Variants in ESYT2 observed in about 807,000 individuals in gnomAD.
ESYT2 encodes the protein extended synaptotagmin-2.
ESYT2 carries 54 observed loss-of-function variants against 107.2 expected under a neutral mutation model. The ratio of observed to expected loss-of-function variants is 0.50; its 90% CI spans 0.40 to 0.63. The LOEUF is 0.63. Among genes scored for constraint, ESYT2 ranks in the 30% least tolerant of loss-of-function variants. The pLI is 0.00. For missense variants in ESYT2, 1,020 were observed against 1,094.5 expected, an observed-to-expected ratio of 0.93 and a Z score of 0.96; for synonymous variants, 491 against 434.1, an observed-to-expected ratio of 1.13 and a Z score of -1.63.
intron 6 of ESYT2, among the ~76,000 whole-genome samples, chr7:158,781,660 AGAACAAGTG>A (rs1838822057): frequency 1.3e-5 from 2 of 152,270 alleles, no homozygotes; most frequent in African/African-American, 4.8e-5. Context: ...AGAACAAGTG[AGAACAAGTG>A]TGAGTGAACG....
intron 6 of ESYT2, among the ~76,000 whole-genome samples, chr7:158,782,271 G>C (rs540203754): frequency 1.5e-5 from 2 of 130,174 alleles, no homozygotes; most frequent in East Asian, 4.2e-4. Flanking sequence ...ATGAGTGTGA[G>C]AACAAAATGT....
At chr7:158,781,981 AG>A (rs1486576645) in intron 6 of ESYT2, among the ~76,000 whole-genome samples, 1 of 19,148 alleles carries the variant, frequency 5.2e-5, no homozygotes, top group Non-Finnish European at 1.4e-4. Context: ...ACAAAGTGTG[AG>A]ATGTGTGTAA....
At chr7:158,760,023 TAGGTAGTTTTCA>T (rs762677715) in intron 12 of ESYT2, 23 bp downstream of exon 12, 1 of 1,596,004 alleles carries the variant, frequency 6.3e-7, no homozygotes. Flanking sequence ...AGTAGTTGGT[TAGGTAGTTTTCA>T]AGAGCACATG....
intron 20 of ESYT2, among the ~76,000 whole-genome samples, chr7:158,736,645 AAT>A (rs1836962927): frequency 6.6e-6 from 1 of 152,184 alleles, no homozygotes; most frequent in African/African-American, 2.4e-5. Context: ...TTGTTTTTCC[AAT>A]ATGTCATACG....
chr7:158,743,802 CA>C, intron 16 of ESYT2, 124 bp from the exon 17 acceptor site: 6 of 1,147,806 alleles, frequency 5.2e-6, no homozygotes, highest in Non-Finnish European at 7.0e-6. Context: ...AGAAAGGGGC[CA>C]GGTGGGGTGG....
At chr7:158,784,073 G>C (rs1376112375) in intron 6 of ESYT2, among the ~76,000 whole-genome samples, 1 of 152,154 alleles carries the variant, frequency 6.6e-6, no homozygotes, top group Non-Finnish European at 1.5e-5. Context: ...GAGGAGGAGG[G>C]TCTCTGGGAG....
chr7:158,742,357 C>A (rs552911371), intron 17 of ESYT2, among the ~76,000 whole-genome samples: 1 of 152,332 alleles, frequency 6.6e-6, no homozygotes, highest in Non-Finnish European at 1.5e-5. Context: ...CCATCCTCCC[C>A]AGGCCACGTC....
In ESYT2 at chr7:158,731,200, G is replaced by A. The variant is rs1324872085; in HGVS notation, c.*3007C>T. The A allele has an allele frequency of 6.6e-6, 1 of 152,156 alleles. No individual in the cohort carries two copies. The highest frequency in any genetic ancestry group is 1.5e-5 in the Non-Finnish European group (1 of 68,032). 9.4% of individuals were successfully genotyped at this position (152,156 alleles called of 1,614,324 possible). A position where few individuals can be genotyped will look rare whatever the true frequency, so the allele number is the denominator to read the frequency against. The stretch of plus-strand genomic sequence containing the variant: ...ACACAGGCCTGCATTTGGCTTATGT[G>A]CCTGAAAAAGAAGGGCCGACCTCTT... On this transcript the variant is annotated 3_prime_UTR_variant, in exon 23 of 23. Coordinates refer to ENST00000275418, the MANE Select transcript of ESYT2 (RefSeq NM_001367773.1).
chr7:158,756,595 A>C (rs1318182709), intron 13 of ESYT2, among the ~76,000 whole-genome samples: 1 of 151,710 alleles, frequency 6.6e-6, no homozygotes, highest in Non-Finnish European at 1.5e-5. Context: ...CCTAGTTCTG[A>C]CTCTTGCGTG....
At chr7:158,828,054 C>T (rs1238012515) in intron 1 of ESYT2, among the ~76,000 whole-genome samples, 2 of 152,354 alleles carry the variant, frequency 1.3e-5, no homozygotes, top group Non-Finnish European at 2.9e-5. Flanking sequence ...CTGCCACACA[C>T]ACACACATTC....
intron 20 of ESYT2, 101 bp downstream of exon 20, chr7:158,736,947 G>A: frequency 6.7e-7 from 1 of 1,484,588 alleles, no homozygotes; most frequent in Non-Finnish European, 9.2e-7. Flanking sequence ...CTTCTCAACA[G>A]CTGATTTATG....
chr7:158,735,415 A>T, intron 21 of ESYT2, 88 bp downstream of exon 21: 2 of 1,109,410 alleles, frequency 1.8e-6, no homozygotes, highest in South Asian at 1.4e-5. Flanking sequence ...CCTTCCACTT[A>T]CACAGACATG....
chr7:158,771,566 A>T (rs1304673951), intron 7 of ESYT2, among the ~76,000 whole-genome samples: 1 of 152,232 alleles, frequency 6.6e-6, no homozygotes, highest in Non-Finnish European at 1.5e-5. Context: ...AAATGCTTGT[A>T]GCTGCAGGCA....
chr7:158,766,328 G>A lies in ESYT2; in HGVS notation c.924+1326C>T, dbSNP rs368926636. On this transcript the variant is annotated intron_variant, in intron 8 of 22. Coordinates refer to ENST00000275418, the MANE Select transcript of ESYT2 (RefSeq NM_001367773.1). ...TCTGGCCACATCTATTGACAGCACC[G>A]GCTGTTAAGCCCATGCAGCTGAGGG... is the stretch of plus-strand genomic sequence containing the variant. Among the ~76,000 whole-genome samples, 305 of 152,250 alleles carry A rather than the reference G, an allele frequency of 2.0e-3. 3 individuals carry two copies. Among genetic ancestry groups the A allele is most frequent in the East Asian group, 4.3e-3 (22 of 5,174 alleles).
At chr7:158,823,152 G>A (rs1269369021) in intron 1 of ESYT2, among the ~76,000 whole-genome samples, 1 of 151,378 alleles carries the variant, frequency 6.6e-6, no homozygotes, top group Non-Finnish European at 1.5e-5. Context: ...GAAATTAGCT[G>A]GATGTGGCGG....
chr7:158,783,894 G>T (rs944812096), intron 6 of ESYT2, among the ~76,000 whole-genome samples: 3 of 152,218 alleles, frequency 2.0e-5, no homozygotes, highest in African/African-American at 7.2e-5. Flanking sequence ...CCACCTTAAG[G>T]GACAGAAGCC....
At chr7:158,823,390 G>A (rs1244112873) in intron 1 of ESYT2, among the ~76,000 whole-genome samples, 5 of 145,400 alleles carry the variant, frequency 3.4e-5, no homozygotes, top group African/African-American at 1.0e-4. Context: ...GCAGTGGTGC[G>A]ATCTCGGCTC....
chr7:158,753,314 C>A (rs1837642516), intron 13 of ESYT2, among the ~76,000 whole-genome samples: 1 of 152,224 alleles, frequency 6.6e-6, no homozygotes, highest in African/African-American at 2.4e-5. Flanking sequence ...CCACCCAGCA[C>A]CCAGCAGAGG....
chr7:158,739,798 C>G (rs79801010), intron 18 of ESYT2, among the ~76,000 whole-genome samples: 62 of 151,970 alleles, frequency 4.1e-4, no homozygotes, highest in Non-Finnish European at 4.4e-4. Flanking sequence ...TTATACCCCC[C>G]CCTTCGCAGT....
Sources: gnomAD v4.1 joint callset for allele counts (sites outside exome capture counted in the v4.1 genomes callset) on GRCh38, gnomAD v4.1.1 for gene constraint, MANE v1.5 for transcripts, NCBI Gene and HGNC (gene_info 2026-07-23, HGNC 2026-07-21) for gene names.